LRRTM4: variants seen among roughly 807,000 people sequenced by gnomAD.
LRRTM4 encodes leucine-rich repeat transmembrane neuronal protein 4.
Under a neutral mutation model 47.6 loss-of-function variants are expected in LRRTM4, and 25 were observed. The ratio of observed to expected loss-of-function variants is 0.53; its 90% CI spans 0.38 to 0.73. The LOEUF (loss-of-function observed/expected upper bound fraction) is 0.73. LRRTM4 is among the 30% of genes least tolerant of loss of function. LRRTM4 has a pLI of 0.00. For synonymous variants in LRRTM4, 311 were observed against 269.5 expected (o/e 1.15, Z -1.51); for missense variants, 638 against 713.4 (o/e 0.89, Z 1.20).
At chr2:77,011,726 T>C (rs1677882777) in intron 3 of LRRTM4, among the ~76,000 whole-genome samples, 1 of 152,138 alleles carries the variant, frequency 6.6e-6, no homozygotes, top group Non-Finnish European at 1.5e-5. Context: ...AGATGTTAAC[T>C]CTTTATAGTT....
At chr2:76,960,201 A>T (rs1304768338) in intron 3 of LRRTM4, among the ~76,000 whole-genome samples, 2 of 151,692 alleles carry the variant, frequency 1.3e-5, no homozygotes, top group Non-Finnish European at 3.0e-5. Flanking sequence ...CATTAAAAAC[A>T]ATTTTATAGA....
At chr2:77,275,622 C>T (rs1452319106) in intron 3 of LRRTM4, among the ~76,000 whole-genome samples, 1 of 152,066 alleles carries the variant, frequency 6.6e-6, no homozygotes, top group African/African-American at 2.4e-5. Context: ...TGGCTACCCT[C>T]CGGTCTATGC....
intron 3 of LRRTM4, among the ~76,000 whole-genome samples, chr2:76,927,497 G>C (rs112340842): frequency 2.6e-5 from 4 of 152,036 alleles, no homozygotes; most frequent in East Asian, 1.9e-4. Flanking sequence ...AATTGGAAAG[G>C]CTTCCTGGTA....
intron 3 of LRRTM4, among the ~76,000 whole-genome samples, chr2:76,828,555 T>C (rs985581824): frequency 5.3e-5 from 8 of 151,948 alleles, no homozygotes; most frequent in African/African-American, 1.9e-4. Context: ...GAAATGTGTA[T>C]AGGTTCATTA....
intron 3 of LRRTM4, among the ~76,000 whole-genome samples, chr2:77,459,919 C>T (rs1354861974): frequency 6.7e-6 from 1 of 149,800 alleles, no homozygotes; most frequent in Non-Finnish European, 1.5e-5. Context: ...GAGCTTCTGC[C>T]TCTTACTATG....
intron 3 of LRRTM4, among the ~76,000 whole-genome samples, chr2:76,812,673 C>CTTGCTTTCTTTCTTTCTTTCTTTCTT (rs1553413488): frequency 2.0e-5 from 3 of 147,818 alleles, no homozygotes; most frequent in East Asian, 2.0e-4. Context: ...TACAAATAAG[C>CTTGCTTTCTTTCTTTCTTTCTTTCTT]TCTTTCTTTC....
intron 3 of LRRTM4, among the ~76,000 whole-genome samples, chr2:77,052,539 T>C (rs1388251920): frequency 1.3e-5 from 2 of 152,090 alleles, no homozygotes; most frequent in Admixed American, 6.6e-5. Context: ...GTTACTCATC[T>C]AATAAGTTAA....
In LRRTM4 at chr2:77,192,615, A is replaced by G. The variant is rs568798159; in HGVS notation, c.1551+325703T>C. ...ATTTTTTTGGTAAATCATTCCAAAT[A>G]ACTGTAGACTGCACAATTTCCAAAT... On this transcript the variant is annotated intron_variant, in intron 3 of 3. Coordinates refer to ENST00000409884, the MANE Select transcript of LRRTM4 (RefSeq NM_001134745.3). 3.0e-4 allele frequency among the ~76,000 whole-genome samples: 45 copies of G among 152,288 alleles called. 1 individual carries two copies. Among genetic ancestry groups the G allele is most frequent in the Admixed American group, 7.2e-4 (11 of 15,290 alleles).
chr2:76,841,579 A>G (rs72819235), intron 3 of LRRTM4, among the ~76,000 whole-genome samples: 14,253 of 151,604 alleles, frequency 0.094, 1,219 homozygotes, highest in African/African-American at 0.22. Context: ...TTTAAATGCA[A>G]TATAATTTCA....
chr2:77,318,260 C>T (rs557898179), intron 3 of LRRTM4, among the ~76,000 whole-genome samples: 1 of 152,258 alleles, frequency 6.6e-6, no homozygotes, highest in South Asian at 2.1e-4. Flanking sequence ...CCAGCCTTGG[C>T]CTCCCAAAGT....
intron 3 of LRRTM4, among the ~76,000 whole-genome samples, chr2:77,300,519 A>C (rs894907519): frequency 2.6e-5 from 4 of 152,156 alleles, no homozygotes; most frequent in Non-Finnish European, 5.9e-5. Flanking sequence ...TATAGAGTTT[A>C]TAATAAATAG....
intron 3 of LRRTM4, among the ~76,000 whole-genome samples, chr2:76,777,465 G>C (rs1230874623): frequency 7.0e-6 from 1 of 142,462 alleles, no homozygotes; most frequent in Non-Finnish European, 1.5e-5. Flanking sequence ...TCCTTGAAGA[G>C]GTCCTTCACA....
chr2:76,831,662 T>C (rs1671354939), intron 3 of LRRTM4, among the ~76,000 whole-genome samples: 1 of 152,152 alleles, frequency 6.6e-6, no homozygotes, highest in African/African-American at 2.4e-5. Context: ...ATTGAAACCA[T>C]GGTGTAATGA....
intron 3 of LRRTM4, among the ~76,000 whole-genome samples, chr2:76,765,721 C>T (rs376319983): frequency 1.8e-4 from 28 of 152,302 alleles, no homozygotes; most frequent in African/African-American, 6.7e-4. Context: ...GACTTCTGGC[C>T]TCCAGGACTG....
chr2:76,786,589 G>A (rs1442331713), intron 3 of LRRTM4, among the ~76,000 whole-genome samples: 1 of 151,954 alleles, frequency 6.6e-6, no homozygotes, highest in African/African-American at 2.4e-5. Flanking sequence ...ACAAACAGAG[G>A]AAGAAAACCA....
intron 3 of LRRTM4, among the ~76,000 whole-genome samples, chr2:77,299,227 C>T (rs1677055732): frequency 6.9e-6 from 1 of 144,942 alleles, no homozygotes; most frequent in Non-Finnish European, 1.5e-5. Flanking sequence ...GTTCTTCCTA[C>T]AATCTCTCTC....
chr2:76,752,334 A>C (rs2104055584), intron 3 of LRRTM4, among the ~76,000 whole-genome samples: 1 of 152,298 alleles, frequency 6.6e-6, no homozygotes, highest in African/African-American at 2.4e-5. Flanking sequence ...CTTTGAATTA[A>C]GTTGACTTAA....
intron 3 of LRRTM4, among the ~76,000 whole-genome samples, chr2:76,975,809 TTA>T (rs1475722068): frequency 1.3e-5 from 2 of 151,838 alleles, no homozygotes; most frequent in African/African-American, 4.8e-5. Flanking sequence ...AATCAGTGTC[TTA>T]TACTCTCTTA....
intron 3 of LRRTM4, among the ~76,000 whole-genome samples, chr2:76,795,784 C>A (rs1231570128): frequency 6.6e-6 from 1 of 151,990 alleles, no homozygotes; most frequent in Non-Finnish European, 1.5e-5. Context: ...GATCAGGGCA[C>A]TATCAGAAAA....
Sources: allele counts gnomAD v4.1 joint callset (sites outside exome capture counted in the v4.1 genomes callset), GRCh38; gene constraint gnomAD v4.1.1; transcripts MANE v1.5; gene names NCBI Gene and HGNC (gene_info 2026-07-23, HGNC 2026-07-21).